BCAR3: variants seen among roughly 807,000 people sequenced by gnomAD.
The protein encoded by BCAR3 is BCAR3 adaptor protein, NSP family member, also known as breast cancer anti-estrogen resistance protein 3.
A neutral mutation model predicts 80.1 loss-of-function variants in BCAR3; 37 were observed. The observed-to-expected ratio is 0.46, with a 90% CI of 0.36 to 0.61. The LOEUF is 0.61. Ranked by LOEUF, BCAR3 falls within the 20% of genes least tolerant of loss-of-function variation. BCAR3 has a pLI of 0.00. For missense variants in BCAR3, 978 were observed against 1,068.2 expected, an observed-to-expected ratio of 0.92 and a Z score of 1.18; for synonymous variants, 389 against 418.9, an observed-to-expected ratio of 0.93 and a Z score of 0.87.
intron 3 of BCAR3, among the ~76,000 whole-genome samples, chr1:93,611,846 G>A (rs1224295044): frequency 6.6e-6 from 1 of 152,156 alleles, no homozygotes; most frequent in Non-Finnish European, 1.5e-5. Flanking sequence ...GAGATGATAT[G>A]GATTAGACCA....
chr1:93,708,504 C>G (rs1011200388), intron 2 of BCAR3, among the ~76,000 whole-genome samples: 4 of 152,180 alleles, frequency 2.6e-5, no homozygotes, highest in Non-Finnish European at 5.9e-5. Flanking sequence ...TTTCTGTCCC[C>G]ATATTTTTGT....
chr1:93,738,765 GGGGGGTGCCAGGGTTAGGACT>G (rs1651080972), intron 2 of BCAR3, among the ~76,000 whole-genome samples: 2 of 152,188 alleles, frequency 1.3e-5, no homozygotes, highest in Non-Finnish European at 2.9e-5. Context: ...AGGGTGGGGC[GGGGGGTGCCAGGGTTAGGACT>G]GGGGGTGCCA....
intron 3 of BCAR3, among the ~76,000 whole-genome samples, chr1:93,616,044 C>T (rs929862452): frequency 6.6e-5 from 10 of 152,182 alleles, no homozygotes; most frequent in African/African-American, 1.9e-4. Context: ...ATGCAAATAA[C>T]TCAGACATGT....
At chr1:93,839,839 G>T (rs1242187976) in intron 2 of BCAR3, among the ~76,000 whole-genome samples, 1 of 152,120 alleles carries the variant, frequency 6.6e-6, no homozygotes, top group African/African-American at 2.4e-5. Context: ...GAATACCTAA[G>T]CCCTAAACCA....
chr1:93,677,089 C>T (rs1337354617), intron 1 of BCAR3, among the ~76,000 whole-genome samples: 1 of 152,152 alleles, frequency 6.6e-6, no homozygotes, highest in African/African-American at 2.4e-5. Context: ...CCTGGAGAAA[C>T]AAAGATGCCT....
intron 2 of BCAR3, among the ~76,000 whole-genome samples, chr1:93,776,469 G>A (rs975972419): frequency 1.3e-5 from 2 of 151,972 alleles, no homozygotes; most frequent in Non-Finnish European, 1.5e-5. Flanking sequence ...TTAAACTGTC[G>A]ATAAGCCATT....
chr1:93,665,646 C>G (rs566075020), intron 2 of BCAR3, among the ~76,000 whole-genome samples: 1 of 152,226 alleles, frequency 6.6e-6, no homozygotes, highest in African/African-American at 2.4e-5. Flanking sequence ...AACTTTATAC[C>G]TTTCAGGCCA....
Position 93,620,772 on chromosome 1 carries a change from C to G in BCAR3, c.357+21532G>C, listed in dbSNP as rs377411170. Among the ~76,000 whole-genome samples, 39 of 152,312 alleles carry G rather than the reference C, an allele frequency of 2.6e-4. No individual in the cohort carries two copies. In the East Asian group the frequency reaches 3.9e-3, roughly 15 times the overall value. On this transcript the variant is annotated intron_variant, in intron 3 of 11. Coordinates refer to ENST00000260502, the MANE Select transcript of BCAR3 (RefSeq NM_003567.4). ...CTTCATATTTCCCCGCCCTGTATTA[C>G]TGGGTTGTCTGATACCAACCAATTC...
intron 2 of BCAR3, among the ~76,000 whole-genome samples, chr1:93,746,579 G>A (rs1232816512): frequency 2.0e-5 from 3 of 152,118 alleles, no homozygotes; most frequent in Non-Finnish European, 2.9e-5. Context: ...GGGCATCCTC[G>A]GTGAACACAA....
At chr1:93,803,146 T>G (rs1366054048) in intron 2 of BCAR3, among the ~76,000 whole-genome samples, 1 of 152,132 alleles carries the variant, frequency 6.6e-6, no homozygotes, top group African/African-American at 2.4e-5. Flanking sequence ...GAGACCAAAT[T>G]ACATGCCATG....
At chr1:93,748,525 G>A (rs904409281) in intron 2 of BCAR3, among the ~76,000 whole-genome samples, 2 of 151,958 alleles carry the variant, frequency 1.3e-5, no homozygotes, top group Non-Finnish European at 2.9e-5. Context: ...ACTGGACTTC[G>A]ATCGGCCATA....
chr1:93,825,949 G>A (rs1488273302), intron 2 of BCAR3, among the ~76,000 whole-genome samples: 1 of 152,200 alleles, frequency 6.6e-6, no homozygotes, highest in African/African-American at 2.4e-5. Context: ...CTGGTTTGGA[G>A]CTAGATTCAT....
chr1:93,591,300 C>T (rs979794208), intron 4 of BCAR3, among the ~76,000 whole-genome samples: 3 of 151,422 alleles, frequency 2.0e-5, no homozygotes, highest in Non-Finnish European at 4.4e-5. Flanking sequence ...CATGGTGAAA[C>T]CCCGTCTCTA....
chr1:93,682,872 TA>T (rs1445037065), upstream of BCAR3, among the ~76,000 whole-genome samples: 1 of 151,978 alleles, frequency 6.6e-6, no homozygotes, highest in Non-Finnish European at 1.5e-5. Context: ...ATTTTAAAGG[TA>T]AAAAGTAAAC....
chr1:93,783,233 A>T (rs1400862486), intron 2 of BCAR3, among the ~76,000 whole-genome samples: 5 of 152,186 alleles, frequency 3.3e-5, no homozygotes, highest in African/African-American at 4.8e-5. Context: ...AGCACTATTG[A>T]CATGTTGGAC....
At chr1:93,652,538 A>G (rs1676356056) in intron 2 of BCAR3, among the ~76,000 whole-genome samples, 1 of 152,208 alleles carries the variant, frequency 6.6e-6, no homozygotes, top group African/African-American at 2.4e-5. Context: ...TTATTTACAC[A>G]AGACTGTACA....
In BCAR3 at chr1:93,786,818, G is replaced by A. The variant is rs570831137; in HGVS notation, c.-63+58749C>T. Among the ~76,000 whole-genome samples, 10 of 152,318 alleles carry A rather than the reference G, an allele frequency of 6.6e-5. 1 individual carries two copies. In the East Asian group the frequency reaches 1.7e-3, roughly 26 times the overall value. ...AATTTGAACCTGACATCAGGCTGAG[G>A]AAGGAGTGGTAACCCTTCCATAGCT... On this transcript the variant is annotated intron_variant, in intron 2 of 13. Transcript: ENST00000370244.
intron 2 of BCAR3, among the ~76,000 whole-genome samples, chr1:93,643,211 G>A (rs1429612880): frequency 3.8e-5 from 5 of 132,366 alleles, no homozygotes; most frequent in African/African-American, 1.5e-4. Context: ...TGGGCAACAA[G>A]AGTGAAACTC....
intron 2 of BCAR3, 129 bp from the exon 3 acceptor site, chr1:93,642,472 T>C (rs41292657): frequency 0.031 from 26,211 of 849,946 alleles, 803 homozygotes; most frequent in African/African-American, 0.13. Context: ...CCAGGCAGTA[T>C]TCACAACAGG....
Sources: gnomAD v4.1 joint callset for allele counts (sites outside exome capture counted in the v4.1 genomes callset) on GRCh38, gnomAD v4.1.1 for gene constraint, MANE v1.5 for transcripts, NCBI Gene and HGNC (gene_info 2026-07-23, HGNC 2026-07-21) for gene names.